The following FAM53B variants were observed in gnomAD, a reference collection of about 807,000 sequenced individuals.
The protein encoded by FAM53B is family with sequence similarity 53 member B.
A neutral mutation model predicts 32.7 loss-of-function variants in FAM53B; 12 were observed. That is an observed-to-expected ratio of 0.37 (90% confidence interval 0.24 to 0.59). The LOEUF is 0.59. Ranked by LOEUF, FAM53B falls within the 20% of genes least tolerant of loss-of-function variation. The pLI, the probability that FAM53B is intolerant of heterozygous loss-of-function variation, is 0.72. For synonymous variants in FAM53B, 234 were observed against 228.7 expected, an observed-to-expected ratio of 1.02 and a Z score of -0.21; for missense variants, 477 against 577.7, an observed-to-expected ratio of 0.83 and a Z score of 1.79.
At chr10:124,660,521 C>T (rs898855380) in intron 4 of FAM53B, among the ~76,000 whole-genome samples, 1 of 152,262 alleles carries the variant, frequency 6.6e-6, no homozygotes, top group Non-Finnish European at 1.5e-5. Flanking sequence ...ACAGCCCCCT[C>T]GCCAGCATGC....
chr10:124,726,382 AAGG>A (rs1950103437), intron 1 of FAM53B, among the ~76,000 whole-genome samples: 1 of 152,196 alleles, frequency 6.6e-6, no homozygotes, highest in South Asian at 2.1e-4. Flanking sequence ...GAATGCACTG[AAGG>A]AGAACAGTGG....
chr10:124,700,227 C>T (rs1412025512), intron 2 of FAM53B, among the ~76,000 whole-genome samples: 1 of 152,210 alleles, frequency 6.6e-6, no homozygotes, highest in Non-Finnish European at 1.5e-5. Flanking sequence ...CTAGGTTGGC[C>T]AGGGCCTTTT....
rs115471609 is a variant in FAM53B at position 124,738,331 on chromosome 10, T to G, written c.-175+5682A>C. Among the ~76,000 whole-genome samples, 1,341 of 152,004 alleles carry G rather than the reference T, an allele frequency of 8.8e-3. 18 individuals are homozygous for G. The highest frequency in any genetic ancestry group is 0.029 in the African/African-American group (1,210 of 41,464). ...CCCCCTCTCCAAGATTGTGATGTAATTGGGCCTGAATGCAGCCTGGGCATC... is the reference window on the plus strand; with the variant it reads ...CCCCCTCTCCAAGATTGTGATGTAAGTGGGCCTGAATGCAGCCTGGGCATC... On this transcript the variant is annotated intron_variant, in intron 1 of 4. Transcript: ENST00000337318.
chr10:124,662,455 C>CA (rs1949639089), intron 4 of FAM53B, among the ~76,000 whole-genome samples: 1 of 98,196 alleles, frequency 1.0e-5, no homozygotes, highest in Admixed American at 1.2e-4. Context: ...CCCACACACC[C>CA]ACCCACCCAT....
chr10:124,682,414 G>T lies in FAM53B; in HGVS notation c.134-35C>A. The T allele has an allele frequency of 6.4e-7, 1 of 1,553,372 alleles. No homozygotes were observed. ...AAATGACAAGGAGAAAACAGGATTT[G>T]AGAAGACCTTCACTCCAGCCCTTTA... is the stretch of plus-strand genomic sequence containing the variant. On this transcript the variant is annotated intron_variant, in intron 3 of 4. Coordinates refer to ENST00000337318, the MANE Select transcript of FAM53B (RefSeq NM_014661.4). This position sits in a 1 kb window ranked among gnomAD's most constrained non-coding sequence, Gnocchi z 5.2.
chr10:124,713,104 C>G (rs1950016129), intron 1 of FAM53B, among the ~76,000 whole-genome samples: 1 of 152,258 alleles, frequency 6.6e-6, no homozygotes, highest in Admixed American at 6.5e-5. Flanking sequence ...AGCCACACTT[C>G]CAGCCACAGC....
At chr10:124,629,345 T>A (rs899088901) in intron 4 of FAM53B, among the ~76,000 whole-genome samples, 2 of 152,252 alleles carry the variant, frequency 1.3e-5, no homozygotes, top group African/African-American at 4.8e-5. Flanking sequence ...ACCACTTCCC[T>A]CCTGTGCCAC....
intron 4 of FAM53B, among the ~76,000 whole-genome samples, chr10:124,665,589 C>T (rs1949664963): frequency 6.6e-6 from 1 of 152,222 alleles, no homozygotes; most frequent in Non-Finnish European, 1.5e-5. Context: ...TGTCCATCAT[C>T]TTATTTCGTC....
chr10:124,671,917 C>G (rs897527367), intron 4 of FAM53B, among the ~76,000 whole-genome samples: 37 of 152,338 alleles, frequency 2.4e-4, no homozygotes, highest in Non-Finnish European at 3.7e-4. Flanking sequence ...AAACCAAGTT[C>G]CCGCCAGCAT....
intron 1 of FAM53B, among the ~76,000 whole-genome samples, chr10:124,738,201 G>A (rs1048054651): frequency 4.6e-5 from 7 of 152,138 alleles, no homozygotes; most frequent in South Asian, 2.1e-4. Context: ...CTAAGGAACC[G>A]ACCCGTAGGT....
intron 4 of FAM53B, among the ~76,000 whole-genome samples, chr10:124,624,508 T>C (rs1949332675): frequency 6.6e-6 from 1 of 152,178 alleles, no homozygotes; most frequent in South Asian, 2.1e-4. Context: ...CCTGCCTTGC[T>C]GGGCCCTTTG....
chr10:124,644,658 T>C (rs774058470), intron 4 of FAM53B, among the ~76,000 whole-genome samples: 64 of 152,186 alleles, frequency 4.2e-4, no homozygotes, highest in Admixed American at 1.3e-4. Flanking sequence ...AGAGGTGACC[T>C]TCCTGGGGTG....
chr10:124,639,312 G>A (rs1388380637), intron 4 of FAM53B, among the ~76,000 whole-genome samples: 1 of 152,192 alleles, frequency 6.6e-6, no homozygotes, highest in Non-Finnish European at 1.5e-5. Context: ...AAGAGTACTG[G>A]AGGTGCCAGG....
chr10:124,653,017 T>C (rs372457496), intron 4 of FAM53B, among the ~76,000 whole-genome samples: 1 of 152,166 alleles, frequency 6.6e-6, no homozygotes, highest in East Asian at 1.9e-4. Context: ...TGCCAGGCCC[T>C]AAGAGGTAGG....
At chr10:124,678,209 C>G (rs1949748364) in intron 4 of FAM53B, among the ~76,000 whole-genome samples, 1 of 152,196 alleles carries the variant, frequency 6.6e-6, no homozygotes, top group Admixed American at 6.5e-5. Context: ...AGAAACAGCC[C>G]ACACCCTCCC....
chr10:124,650,509 C>T (rs11815442), intron 4 of FAM53B, among the ~76,000 whole-genome samples: 8 of 152,216 alleles, frequency 5.3e-5, no homozygotes, highest in African/African-American at 1.7e-4. Context: ...GCTAGGCGCT[C>T]TACACCCTTT....
chr10:124,682,167 A>T lies in FAM53B; in HGVS notation c.346T>A (p.Ser116Thr), dbSNP rs775535582. 1 of 1,613,622 alleles carries T rather than the reference A, an allele frequency of 6.2e-7. No homozygotes were observed. The highest frequency in any genetic ancestry group is 1.1e-5 in the South Asian group (1 of 90,984). ...SAPPSKRQCR[S>T]LSFSDEMSSC... ...GACATCTCATCGGAGAAGGACAGTG[A>T]GCGGCACTGGCGCTTGCTAGGGGGT... The change falls in exon 4 of 5, where the codon TCA becomes ACA. Residue 116 changes from serine to threonine, a missense_variant. Physicochemically the swap from Ser to Thr is moderately conservative, Grantham distance 58. Transcript: ENST00000337318. The surrounding 1 kb of genome is among the most constrained non-coding windows in gnomAD (Gnocchi z 5.2).
intron 4 of FAM53B, chr10:124,623,813 C>G (rs17696610): frequency 3.7e-6 from 2 of 546,650 alleles, no homozygotes; most frequent in Non-Finnish European, 3.2e-6. Flanking sequence ...CATAAAGACA[C>G]GCGCAATTCC....
rs1233839566 is a variant in FAM53B, at chr10:124,681,970, G to A, written c.543C>T (p.Cys181=). 13 of 1,613,936 alleles carry A rather than the reference G, an allele frequency of 8.1e-6. No homozygotes were observed. Among genetic ancestry groups the A allele is most frequent in the African/African-American group, 2.7e-5 (2 of 74,934 alleles). The part of the protein sequence containing the change: ...PSRANVLSSP[C]DQAGLHHRFG... ...ATCGGTGGTGGAGTCCTGCCTGGTC[G>A]CAGGGTGAGGAGAGCACGTTGGCCC... Residue 181 remains cysteine, a synonymous_variant, in exon 4 of 5, where the codon TGC becomes TGT. Coordinates refer to ENST00000337318, the MANE Select transcript of FAM53B (RefSeq NM_014661.4).
Sources: allele counts gnomAD v4.1 joint callset (sites outside exome capture counted in the v4.1 genomes callset), GRCh38; gene constraint gnomAD v4.1.1; non-coding constraint Gnocchi (gnomAD v3.1); transcripts MANE v1.5; gene names NCBI Gene and HGNC (gene_info 2026-07-23, HGNC 2026-07-21).